UBE2D2: variants seen among roughly 807,000 people sequenced by gnomAD.
UBE2D2 encodes ubiquitin-conjugating enzyme E2 D2.
UBE2D2 carries 2 observed loss-of-function variants against 24.2 expected under a neutral mutation model. The observed-to-expected ratio is 0.08, with a 90% CI of 0.03 to 0.26. The LOEUF (loss-of-function observed/expected upper bound fraction) is 0.26. UBE2D2 is among the 10% of genes least tolerant of loss of function. The pLI is 1.00. For synonymous variants in UBE2D2, 58 were observed against 56.5 expected, an observed-to-expected ratio of 1.03 and a Z score of -0.12; for missense variants, 44 against 177.6, an observed-to-expected ratio of 0.25 and a Z score of 4.28.
At chr5:139,610,280 C>T (rs184737225) in intron 2 of UBE2D2, among the ~76,000 whole-genome samples, 213 of 151,772 alleles carry the variant, frequency 1.4e-3, no homozygotes, top group Middle Eastern at 6.8e-3. Flanking sequence ...CAGTGGCTCA[C>T]GCCTGTAATC....
chr5:139,561,761 C>A lies in UBE2D2; in HGVS notation c.-31C>A. 6.7e-7 allele frequency: 1 copy of A among 1,489,836 alleles called. No homozygotes were observed. Among genetic ancestry groups the A allele is most frequent in the Non-Finnish European group, 8.9e-7 (1 of 1,126,866 alleles). 92.3% of individuals were successfully genotyped at this position (1,489,836 alleles called of 1,614,324 possible). ...CGTCCCTTCCCCGCCCCCGTCCCCG[C>A]CCCGGGGGCCGCCGCCACCCGCCTC... On this transcript the variant is annotated 5_prime_UTR_variant, in exon 1 of 7. Transcript: ENST00000398733.
chr5:139,564,168 T>C (rs551467007), intron 1 of UBE2D2, among the ~76,000 whole-genome samples: 1 of 152,266 alleles, frequency 6.6e-6, no homozygotes, highest in African/African-American at 2.4e-5. Flanking sequence ...TGAACTTTTT[T>C]GGGGGATAGA....
chr5:139,626,066 T>A (rs1313638386), intron 6 of UBE2D2, among the ~76,000 whole-genome samples: 3 of 152,036 alleles, frequency 2.0e-5, no homozygotes, highest in Non-Finnish European at 2.9e-5. Context: ...AAAGTTTGGT[T>A]TTTTTTCCCC....
intron 1 of UBE2D2, among the ~76,000 whole-genome samples, chr5:139,563,227 G>A (rs552375722): frequency 1.3e-5 from 2 of 152,224 alleles, no homozygotes; most frequent in South Asian, 4.2e-4. Context: ...TCAGCTCAGC[G>A]GTTGGTCCTC....
chr5:139,609,217 T>C (rs1345411627), intron 2 of UBE2D2, among the ~76,000 whole-genome samples: 1 of 152,108 alleles, frequency 6.6e-6, no homozygotes, highest in Non-Finnish European at 1.5e-5. Flanking sequence ...AAATGGTTAA[T>C]GGAAAATTTA....
intron 2 of UBE2D2, among the ~76,000 whole-genome samples, chr5:139,605,708 C>T (rs1249153753): frequency 6.6e-6 from 1 of 151,350 alleles, no homozygotes; most frequent in Non-Finnish European, 1.5e-5. Context: ...TCCTCCCCTC[C>T]CTCTCTCCCT....
At chr5:139,600,017 C>G (rs1228079679) in intron 1 of UBE2D2, among the ~76,000 whole-genome samples, 3 of 151,990 alleles carry the variant, frequency 2.0e-5, no homozygotes, top group Non-Finnish European at 2.9e-5. Context: ...AGGCTGGTCT[C>G]GAACTCCTGA....
chr5:139,549,220 C>G (rs1010485038), intron 1 of UBE2D2, among the ~76,000 whole-genome samples: 1 of 152,158 alleles, frequency 6.6e-6, no homozygotes, highest in Non-Finnish European at 1.5e-5. Context: ...GGCGCCTCCT[C>G]GGCCTCGGCG....
intron 1 of UBE2D2, among the ~76,000 whole-genome samples, chr5:139,536,834 C>A (rs1004774258): frequency 6.6e-6 from 1 of 151,896 alleles, no homozygotes; most frequent in Non-Finnish European, 1.5e-5. Context: ...TCCAAGATAT[C>A]ATTTCATCTG....
chr5:139,595,252 C>T (rs527927691), intron 1 of UBE2D2, among the ~76,000 whole-genome samples: 5 of 152,074 alleles, frequency 3.3e-5, no homozygotes, highest in Non-Finnish European at 5.9e-5. Flanking sequence ...CCGACTAGAT[C>T]GATGCCTTTA....
intron 1 of UBE2D2, among the ~76,000 whole-genome samples, chr5:139,566,371 G>T (rs952694284): frequency 1.3e-5 from 2 of 148,260 alleles, no homozygotes; most frequent in Non-Finnish European, 3.0e-5. Context: ...ATGAAATAAA[G>T]ATTTCAGGTC....
chr5:139,619,755 T>C (rs982578173), intron 5 of UBE2D2, among the ~76,000 whole-genome samples: 2 of 151,594 alleles, frequency 1.3e-5, no homozygotes, highest in African/African-American at 4.8e-5. Context: ...CCCAGCTACT[T>C]GGGAGGCTGA....
At chr5:139,561,900 C>T (rs1753108883) in intron 1 of UBE2D2, 85 bp downstream of exon 1, 3 of 1,423,774 alleles carry the variant, frequency 2.1e-6, no homozygotes, top group East Asian at 2.7e-5. Context: ...GTCGGGCTCG[C>T]GGCCTCCTTG....
chr5:139,619,863 CA>C (rs36010124), intron 5 of UBE2D2, among the ~76,000 whole-genome samples: 4 of 149,870 alleles, frequency 2.7e-5, no homozygotes, highest in African/African-American at 9.8e-5. Context: ...AACTCCGTCT[CA>C]AAAAAAAAGG....
At chr5:139,609,113 T>G (rs938716938) in intron 2 of UBE2D2, among the ~76,000 whole-genome samples, 2 of 152,080 alleles carry the variant, frequency 1.3e-5, no homozygotes, top group Non-Finnish European at 2.9e-5. Context: ...TGATTTAAAT[T>G]TTTCTAATAA....
chr5:139,547,560 A>G (rs947337444), intron 1 of UBE2D2, among the ~76,000 whole-genome samples: 7 of 151,072 alleles, frequency 4.6e-5, no homozygotes, highest in Admixed American at 4.6e-4. Context: ...CCCAGGCTGG[A>G]GTGCAGTGAC....
chr5:139,529,357 C>G (rs373442859), intron 1 of UBE2D2, among the ~76,000 whole-genome samples: 1 of 152,080 alleles, frequency 6.6e-6, no homozygotes, highest in Non-Finnish European at 1.5e-5. Context: ...AAAATGTAAT[C>G]TTAAAATTTG....
chr5:139,592,794 G>A (rs1192075341), intron 1 of UBE2D2, among the ~76,000 whole-genome samples: 1 of 151,046 alleles, frequency 6.6e-6, no homozygotes, highest in African/African-American at 2.4e-5. Flanking sequence ...AGTAGAGATG[G>A]CGTTTCACTG....
At chr5:139,584,756 C>T (rs1438819578) in intron 1 of UBE2D2, among the ~76,000 whole-genome samples, 10 of 151,822 alleles carry the variant, frequency 6.6e-5, no homozygotes, top group Admixed American at 2.0e-4. Flanking sequence ...TGGTCTCGAA[C>T]GCCTGACCTC....
Sources: allele counts gnomAD v4.1 joint callset (sites outside exome capture counted in the v4.1 genomes callset), GRCh38; gene constraint gnomAD v4.1.1; transcripts MANE v1.5; gene names NCBI Gene and HGNC (gene_info 2026-07-23, HGNC 2026-07-21).